FARS2: variants seen among roughly 807,000 people sequenced by gnomAD.
FARS2 encodes phenylalanine--tRNA ligase, mitochondrial.
In FARS2, 40 loss-of-function variants were observed where a neutral mutation model predicts 46.4. The observed-to-expected ratio is 0.86, with a 90% confidence interval of 0.67 to 1.12. FARS2 has a LOEUF of 1.12. FARS2 is among the 50% of genes most tolerant of loss of function. The pLI is 0.00. For missense variants in FARS2, 513 were observed against 567.9 expected, an observed-to-expected ratio of 0.90 and a Z score of 0.98; for synonymous variants, 234 against 214.9, an observed-to-expected ratio of 1.09 and a Z score of -0.78.
intron 6 of FARS2, among the ~76,000 whole-genome samples, chr6:5,631,097 A>G (rs60597164): frequency 0.14 from 21,220 of 152,120 alleles, 3,799 homozygotes; most frequent in African/African-American, 0.41. Flanking sequence ...CACTCACCTC[A>G]CAAACTAAAA....
chr6:5,401,797 G>C (rs971872245), intron 2 of FARS2, among the ~76,000 whole-genome samples: 2 of 152,052 alleles, frequency 1.3e-5, no homozygotes, highest in African/African-American at 4.8e-5. Flanking sequence ...TTGTTGTCTT[G>C]TTTCCGTGTT....
At chr6:5,482,715 A>C (rs1010942823) in intron 4 of FARS2, among the ~76,000 whole-genome samples, 5 of 152,144 alleles carry the variant, frequency 3.3e-5, no homozygotes, top group Admixed American at 2.0e-4. Flanking sequence ...AGAGAAAAAA[A>C]CCTCAGCTCA....
intron 4 of FARS2, among the ~76,000 whole-genome samples, chr6:5,475,146 C>G (rs1192919163): frequency 6.6e-6 from 1 of 152,158 alleles, no homozygotes; most frequent in East Asian, 1.9e-4. Context: ...AATGACTTCT[C>G]CGTGGGTACT....
chr6:5,569,238 A>AT lies in FARS2; in HGVS notation c.1065+23914dup, dbSNP rs35999608. ...TTGGCCAGGTGAGTACAGGAGTATA[A>AT]TTTTTTTTTTTTTTTTGAGACAGGT... On this transcript the variant is annotated intron_variant, in intron 5 of 6. Transcript: ENST00000274680. 5.9e-3 allele frequency among the ~76,000 whole-genome samples: 842 copies of AT among 142,586 alleles called. 8 individuals are homozygous for AT. Among genetic ancestry groups the AT allele is most frequent in the African/African-American group, 0.017 (666 of 38,338 alleles). The allele number at this position is 142,586 out of a possible 152,430, so 93.5% of individuals were successfully genotyped here.
intron 1 of FARS2, among the ~76,000 whole-genome samples, chr6:5,268,209 T>C (rs1297482686): frequency 6.6e-6 from 1 of 151,614 alleles, no homozygotes; most frequent in Non-Finnish European, 1.5e-5. Flanking sequence ...TTTAGTTTAA[T>C]TAGATCCCAT....
At chr6:5,599,299 T>A (rs1449769084) in intron 5 of FARS2, among the ~76,000 whole-genome samples, 1 of 152,058 alleles carries the variant, frequency 6.6e-6, no homozygotes, top group Non-Finnish European at 1.5e-5. Context: ...CATACGTGAG[T>A]TCACTTAAAG....
At chr6:5,539,338 C>G (rs1172305359) in intron 4 of FARS2, among the ~76,000 whole-genome samples, 1 of 142,410 alleles carries the variant, frequency 7.0e-6, no homozygotes, top group Non-Finnish European at 1.5e-5. Flanking sequence ...TCCCAAGTAG[C>G]TGGGACTACA....
intron 6 of FARS2, among the ~76,000 whole-genome samples, chr6:5,666,405 G>T (rs1171363811): frequency 6.6e-6 from 1 of 152,126 alleles, no homozygotes; most frequent in Non-Finnish European, 1.5e-5. Flanking sequence ...CCCCTCCACT[G>T]CCAGGAGTTC....
intron 4 of FARS2, among the ~76,000 whole-genome samples, chr6:5,476,517 C>G (rs1395591686): frequency 6.7e-6 from 1 of 149,380 alleles, no homozygotes; most frequent in Non-Finnish European, 1.5e-5. Flanking sequence ...GGTAGGTGAC[C>G]AATAAATAGT....
At chr6:5,576,611 A>G (rs1772990801) in intron 5 of FARS2, among the ~76,000 whole-genome samples, 2 of 147,484 alleles carry the variant, frequency 1.4e-5, no homozygotes, top group South Asian at 4.2e-4. Context: ...TATTATATAT[A>G]TAAAGTATAT....
chr6:5,319,746 A>C (rs1049403497), intron 1 of FARS2, among the ~76,000 whole-genome samples: 1 of 152,082 alleles, frequency 6.6e-6, no homozygotes, highest in Non-Finnish European at 1.5e-5. Flanking sequence ...GGAGATCTCT[A>C]TGGGTTAGTT....
At chr6:5,444,119 G>GTGTGTGTGTGTGTGTGTA (rs1763998263) in intron 4 of FARS2, among the ~76,000 whole-genome samples, 1 of 150,766 alleles carries the variant, frequency 6.6e-6, no homozygotes, top group African/African-American at 2.5e-5. Context: ...GTGTGTGTGT[G>GTGTGTGTGTGTGTGTGTA]TGTGTGTATG....
intron 4 of FARS2, among the ~76,000 whole-genome samples, chr6:5,494,322 T>C (rs998221115): frequency 6.6e-6 from 1 of 152,160 alleles, no homozygotes; most frequent in African/African-American, 2.4e-5. Context: ...ACCCATCCTT[T>C]AGTTCACAAA....
At chr6:5,715,167 G>C (rs9504496) in intron 6 of FARS2, among the ~76,000 whole-genome samples, 2 of 152,130 alleles carry the variant, frequency 1.3e-5, no homozygotes, top group Non-Finnish European at 2.9e-5. Flanking sequence ...GAGGGAACTA[G>C]GGTTCAGACT....
chr6:5,282,964 C>T (rs1327174823), intron 1 of FARS2, among the ~76,000 whole-genome samples: 4 of 152,062 alleles, frequency 2.6e-5, no homozygotes, highest in East Asian at 1.9e-4. Flanking sequence ...GGGCCAGGCA[C>T]GGTGGCTTAC....
At chr6:5,293,743 G>A (rs1163992535) in intron 1 of FARS2, among the ~76,000 whole-genome samples, 2 of 152,094 alleles carry the variant, frequency 1.3e-5, no homozygotes, top group African/African-American at 4.8e-5. Context: ...CCTGTCATTG[G>A]CATTTTGGAA....
chr6:5,463,187 A>T (rs2150304899), intron 4 of FARS2, among the ~76,000 whole-genome samples: 1 of 152,264 alleles, frequency 6.6e-6, no homozygotes, highest in Middle Eastern at 3.4e-3. Context: ...TCTTTAATGA[A>T]ATTTATTTCT....
At chr6:5,581,090 G>T (rs985543869) in intron 5 of FARS2, among the ~76,000 whole-genome samples, 4 of 152,226 alleles carry the variant, frequency 2.6e-5, no homozygotes, top group Non-Finnish European at 5.9e-5. Context: ...CCTTAAAGGT[G>T]TGCAAAATTA....
intron 2 of FARS2, among the ~76,000 whole-genome samples, chr6:5,384,429 C>T (rs34663578): frequency 0.14 from 21,910 of 152,194 alleles, 1,919 homozygotes; most frequent in Middle Eastern, 0.19. Context: ...GAGAGCACTG[C>T]GGAGGGCAGC....
Sources: gnomAD v4.1 joint callset for allele counts (sites outside exome capture counted in the v4.1 genomes callset) on GRCh38, gnomAD v4.1.1 for gene constraint, MANE v1.5 for transcripts, NCBI Gene and HGNC (gene_info 2026-07-23, HGNC 2026-07-21) for gene names.